The following ZNF43 variants were observed in gnomAD, a reference collection of about 807,000 sequenced individuals.
ZNF43 encodes zinc finger protein 39-like 1 (KOX 27).
A neutral mutation model predicts 68.4 loss-of-function variants in ZNF43; 44 were observed. That is an observed-to-expected ratio of 0.64 (90% CI 0.51 to 0.83). The LOEUF (loss-of-function observed/expected upper bound fraction) is 0.83. Among genes scored for constraint, ZNF43 ranks in the 40% least tolerant of loss-of-function variants. The pLI is 0.00. For synonymous variants in ZNF43, 308 were observed against 307.8 expected, an observed-to-expected ratio of 1.00 and a Z score of -0.01; for missense variants, 896 against 933.2, an observed-to-expected ratio of 0.96 and a Z score of 0.52.
upstream of ZNF43, chr19:21,839,556 C>T (rs1196649750): frequency 1.3e-5 from 2 of 152,168 alleles, no homozygotes; most frequent in African/African-American, 4.8e-5. Context: ...AAAGTAACTC[C>T]TGTGGAGAGG....
At chr19:21,845,459 T>C (rs1011356991) in intron 1 of ZNF43, 3 of 151,734 alleles carry the variant, frequency 2.0e-5, no homozygotes, top group African/African-American at 7.3e-5. Flanking sequence ...CAGTGATACA[T>C]CACAATCCTC....
At chr19:21,819,289 A>G (rs1568360688) in intron 1 of ZNF43, 68 bp from the exon 2 acceptor site, 2 of 1,477,970 alleles carry the variant, frequency 1.4e-6, no homozygotes. Context: ...AGAATTTATA[A>G]TTTGACTCAA....
Position 21,808,356 on chromosome 19 carries a change from T to A in ZNF43, c.1681A>T (p.Thr561Ser). ...SILTKHKRIH[T>S]GEKPYKCEEC... is the part of the protein sequence containing the mutation. ...TCACACTTGTAGGGTTTCTCTCCAGTATGAATCCTCTTATGTTTGGTAAGG... is the reference window on the plus strand; with the variant it reads ...TCACACTTGTAGGGTTTCTCTCCAGAATGAATCCTCTTATGTTTGGTAAGG... The change falls in exon 4 of 4, where the codon ACT (threonine) becomes TCT (serine). Residue 561 changes from threonine (T) to serine (S), a missense_variant. Physicochemically the swap from Thr to Ser is moderately conservative, Grantham distance 58. Coordinates refer to ENST00000354959, the MANE Select transcript of ZNF43 (RefSeq NM_003423.4). 1 of 1,612,940 alleles carries A rather than the reference T, an allele frequency of 6.2e-7. No individual in the cohort carries two copies. Among genetic ancestry groups the A allele is most frequent in the Non-Finnish European group, 8.5e-7 (1 of 1,179,700 alleles).
chr19:21,822,409 G>C (rs550402931), intron 1 of ZNF43, among the ~76,000 whole-genome samples: 1 of 140,760 alleles, frequency 7.1e-6, no homozygotes, highest in South Asian at 2.3e-4. Context: ...CGCAGAATCT[G>C]AACCAAATTA....
intron 1 of ZNF43, among the ~76,000 whole-genome samples, chr19:21,828,705 G>C (rs2038261092): frequency 7.0e-6 from 1 of 143,818 alleles, no homozygotes; most frequent in Admixed American, 7.1e-5. Flanking sequence ...CAACAGGAGT[G>C]AAACTCCGTC....
Position 21,807,531 on chromosome 19 carries a change from C to T in ZNF43, c.*76G>A. The T allele has an allele frequency of 1.5e-6, 2 of 1,300,456 alleles. No homozygotes were observed. Among genetic ancestry groups the T allele is most frequent in the Non-Finnish European group, 2.0e-6 (2 of 976,132 alleles). The allele number at this position is 1,300,456 out of a possible 1,614,324, so 80.6% of individuals were successfully genotyped here. A position where few individuals can be genotyped will look rare whatever the true frequency, so the allele number is the denominator to read the frequency against. On this transcript the variant is annotated 3_prime_UTR_variant, in exon 4 of 4. Coordinates refer to ENST00000354959, the MANE Select transcript of ZNF43 (RefSeq NM_003423.4). ...GTTTACTCCAATGTAAATTATCTTA[C>T]CTACAATCAAGTGTGACAACCATGT...
rs898949821 is a variant in ZNF43 at position 21,836,177 on chromosome 19, A to T, written c.-139T>A. On this transcript the variant is annotated 5_prime_UTR_variant, in exon 1 of 4. Transcript: ENST00000354959. ...GAGACGCAGAGCTCCAACTGCAGCC[A>T]GAGACAAAGGCCCCGCCACATCCCG... 8.5e-6 allele frequency: 13 copies of T among 1,533,878 alleles called. No homozygotes were observed. In the East Asian group the frequency reaches 1.2e-4, roughly 14 times the overall value.
intron 3 of ZNF43, among the ~76,000 whole-genome samples, chr19:21,816,973 G>A (rs2037559561): frequency 6.6e-6 from 1 of 152,148 alleles, no homozygotes; most frequent in Non-Finnish European, 1.5e-5. Flanking sequence ...AGGGGTGGTG[G>A]CTCATGCCTG....
chr19:21,843,661 C>T (rs774076584), intron 1 of ZNF43, among the ~76,000 whole-genome samples: 3 of 152,150 alleles, frequency 2.0e-5, no homozygotes, highest in South Asian at 2.1e-4. Context: ...TGGTGGCGGG[C>T]GCCTGTAATC....
chr19:21,814,411 C>CTT (rs200681700), intron 3 of ZNF43, among the ~76,000 whole-genome samples: 6 of 142,616 alleles, frequency 4.2e-5, no homozygotes, highest in East Asian at 2.0e-4. Flanking sequence ...TGATTGATCT[C>CTT]TTTTTTTTTT....
rs1310761266 is a variant in ZNF43, at chr19:21,844,921, A to AAAAATAT, written c.30+6983_30+6984insATATTTT. 6.4e-3 allele frequency among the ~76,000 whole-genome samples: 166 copies of AAAAATAT among 26,040 alleles called. 6 individuals carry two copies. The highest frequency in any genetic ancestry group is 9.6e-3 in the African/African-American group (44 of 4,596). The allele number at this position is 26,040 out of a possible 152,430, so 17.1% of individuals were successfully genotyped here. On this transcript the variant is annotated intron_variant, in intron 1 of 3. Transcript: ENST00000357491. ...CAAAAAAAAAAAAAAAAAAAAAAAA[A>AAAAATAT]ATATATATATATATATATATATATA...
chr19:21,833,332 C>A (rs1210380548), intron 1 of ZNF43, among the ~76,000 whole-genome samples: 2 of 152,090 alleles, frequency 1.3e-5, no homozygotes, highest in Non-Finnish European at 2.9e-5. Context: ...AATGGCGCGA[C>A]CTCAGCTCAC....
Position 21,809,683 on chromosome 19 carries a change from A to T in ZNF43, c.354T>A (p.His118Gln), listed in dbSNP as rs1485476187. 13 of 1,612,866 alleles carry T rather than the reference A, an allele frequency of 8.1e-6. No homozygotes were observed. The Admixed American group carries it at 2.2e-4, about 27-fold the overall frequency. The change falls in exon 4 of 4, where the codon CAT becomes CAA. Residue 118 changes from histidine (H) to glutamine (Q), a missense_variant. Coordinates refer to ENST00000354959, the MANE Select transcript of ZNF43 (RefSeq NM_003423.4). The part of the protein sequence containing the change: ...EHKNVHLKKD[H>Q]KSVDECKVHR... The stretch of plus-strand genomic sequence containing the variant: ...GCACCTTACACTCATCCACACTTTT[A>T]TGGTCTTTTTTTAAATGTACATTTT...
upstream of ZNF43, among the ~76,000 whole-genome samples, chr19:21,837,435 T>G (rs929905425): frequency 6.7e-5 from 9 of 133,856 alleles, no homozygotes; most frequent in African/African-American, 2.5e-4. Context: ...TTTTTTTTTT[T>G]TTTTTTTGAG....
At chr19:21,847,163 C>G (rs1000014656) in intron 1 of ZNF43, among the ~76,000 whole-genome samples, 2 of 152,046 alleles carry the variant, frequency 1.3e-5, no homozygotes, top group African/African-American at 2.4e-5. Flanking sequence ...CAGCAATGTG[C>G]CTCAATTTTC....
chr19:21,851,930 G>A (rs572110949), exon 1 of ZNF43: 3 of 1,576,198 alleles, frequency 1.9e-6, no homozygotes, highest in Admixed American at 1.8e-5. Flanking sequence ...AGGATGTCCG[G>A]GCATCTTAGC....
At chr19:21,830,994 A>T (rs1002480899) in intron 1 of ZNF43, among the ~76,000 whole-genome samples, 1 of 152,218 alleles carries the variant, frequency 6.6e-6, no homozygotes, top group African/African-American at 2.4e-5. Flanking sequence ...AGAACTAAAG[A>T]CCAAAACCAC....
intron 1 of ZNF43, among the ~76,000 whole-genome samples, chr19:21,834,507 C>T (rs1358454224): frequency 1.3e-5 from 2 of 151,678 alleles, no homozygotes; most frequent in African/African-American, 4.8e-5. Context: ...GCCTGTAATC[C>T]TTGCACTTTG....
intron 3 of ZNF43, 145 bp downstream of exon 3, chr19:21,817,743 G>A (rs1194150198): frequency 1.2e-5 from 10 of 809,152 alleles, no homozygotes; most frequent in Admixed American, 1.0e-4. Context: ...ACCCTTGTGT[G>A]AAAGCAAAAT....
Sources: gnomAD v4.1 joint callset for allele counts (sites outside exome capture counted in the v4.1 genomes callset) on GRCh38, gnomAD v4.1.1 for gene constraint, MANE v1.5 for transcripts, NCBI Gene and HGNC (gene_info 2026-07-23, HGNC 2026-07-21) for gene names.